Variants in SLC28A1 observed in about 807,000 individuals in gnomAD.
SLC28A1 encodes sodium/nucleoside cotransporter 1.
SLC28A1 carries 64 observed loss-of-function variants against 74.8 expected under a neutral mutation model. That is an observed-to-expected ratio of 0.86 (90% CI 0.70 to 1.05). The LOEUF is 1.05. SLC28A1 is among the 50% of genes least tolerant of loss of function. The probability of loss-of-function intolerance (pLI) is 0.00; values close to 1 mark genes in which losing one functional copy is unlikely to be tolerated. For missense variants in SLC28A1, 828 were observed against 822.8 expected, an observed-to-expected ratio of 1.01 and a Z score of -0.08; for synonymous variants, 359 against 335.0, an observed-to-expected ratio of 1.07 and a Z score of -0.78.
chr15:84,949,306 T>C (rs535101512), downstream of SLC28A1, among the ~76,000 whole-genome samples: 12 of 152,334 alleles, frequency 7.9e-5, no homozygotes, highest in Admixed American at 3.3e-4. Flanking sequence ...GGAACCAAGA[T>C]GCTGTGATGA....
chr15:84,918,544 T>C lies in SLC28A1; in HGVS notation c.816T>C (p.Phe272=), dbSNP rs1335632717. 5 of 1,614,016 alleles carry C rather than the reference T, an allele frequency of 3.1e-6. No homozygotes were observed. The highest frequency in any genetic ancestry group is 4.2e-6 in the Non-Finnish European group (5 of 1,179,908). The part of the protein sequence containing the change: ...FAFQVLPIIV[F]FSCVISVLYH... ...GGCAGGTTCTGCCCATCATTGTCTT[T>C]TTCAGCTGTGTCATATCCGTTCTCT... Residue 272 remains phenylalanine, a synonymous_variant, in exon 10 of 19, where the codon TTT becomes TTC. Transcript: ENST00000394573.
chr15:84,975,434 G>C, the SLC28A1 span: 23 of 454,916 alleles, frequency 5.1e-5, no homozygotes, highest in African/African-American at 4.6e-4. Context: ...TAATAGCAGC[G>C]ATGGTTGTTG....
rs1363869579 is a variant in SLC28A1 at position 84,891,916 on chromosome 15, G to A, written c.277+1382G>A. 3.0e-4 allele frequency among the ~76,000 whole-genome samples: 45 copies of A among 152,042 alleles called. 1 individual carries two copies. Among genetic ancestry groups the A allele is most frequent in the Admixed American group, 2.9e-3 (45 of 15,276 alleles). On this transcript the variant is annotated intron_variant, in intron 5 of 18. Transcript: ENST00000394573. ...GGGGAGTTTGTAGAAGGAATATGAA[G>A]GAATGGGAGATGAAGAGATGTCCGA...
chr15:84,966,105 T>C, the SLC28A1 span, among the ~76,000 whole-genome samples: 1 of 152,084 alleles, frequency 6.6e-6, no homozygotes, highest in African/African-American at 2.4e-5. Context: ...TGAGACAGAG[T>C]CTTGCTCTGT....
At chr15:84,946,096 A>T (rs1441738199), downstream of SLC28A1, among the ~76,000 whole-genome samples, 3 of 14,890 alleles carry the variant, frequency 2.0e-4, no homozygotes, top group African/African-American at 5.7e-4. Context: ...ATATATATAT[A>T]TATATATATA....
chr15:84,937,733 C>A (rs1972107804), intron 15 of SLC28A1, among the ~76,000 whole-genome samples: 1 of 151,624 alleles, frequency 6.6e-6, no homozygotes, highest in African/African-American at 2.4e-5. Context: ...GAAACCCCTT[C>A]TCTACTAAAA....
At chr15:84,885,906 G>A (rs1005457443) in intron 1 of SLC28A1, among the ~76,000 whole-genome samples, 2 of 152,120 alleles carry the variant, frequency 1.3e-5, no homozygotes, top group African/African-American at 4.8e-5. Flanking sequence ...AAGAAAAAAT[G>A]TTTTCAAAAA....
At chr15:84,935,726 C>CG (rs1274511209) in intron 15 of SLC28A1, among the ~76,000 whole-genome samples, 4 of 152,226 alleles carry the variant, frequency 2.6e-5, no homozygotes, top group Middle Eastern at 3.4e-3. Context: ...GGCTGAGGTG[C>CG]GGGGAGAGAG....
At chr15:84,894,063 G>A (rs1325374498) in intron 5 of SLC28A1, among the ~76,000 whole-genome samples, 1 of 152,074 alleles carries the variant, frequency 6.6e-6, no homozygotes, top group Non-Finnish European at 1.5e-5. Flanking sequence ...GAAGATCCTG[G>A]ATTCTGAAAT....
Position 84,932,281 on chromosome 15 carries a change from G to T in SLC28A1, c.1084-864G>T, listed in dbSNP as rs1467863749. On this transcript the variant is annotated intron_variant, in intron 12 of 18. Coordinates refer to ENST00000394573, the MANE Select transcript of SLC28A1 (RefSeq NM_004213.5). ...TGTCTGAGTTGGTTCTGATTTCCCT[G>T]CTTGGTAAATGACACAGTGATAGGG... 2.6e-5 allele frequency among the ~76,000 whole-genome samples: 4 copies of T among 152,204 alleles called. No homozygotes were observed. The East Asian group carries it at 7.7e-4, about 29-fold the overall frequency.
intron 15 of SLC28A1, among the ~76,000 whole-genome samples, chr15:84,942,258 C>T (rs147947989): frequency 0.017 from 2,522 of 152,220 alleles, 69 homozygotes; most frequent in African/African-American, 0.055. Context: ...TCCATCCCCT[C>T]GAGCATTTAT....
intron 11 of SLC28A1, among the ~76,000 whole-genome samples, chr15:84,923,224 C>T (rs1293672235): frequency 6.6e-6 from 1 of 152,198 alleles, no homozygotes; most frequent in African/African-American, 2.4e-5. Context: ...AGGCGTGAGC[C>T]ACTGTGCCTG....
chr15:84,940,186 C>G (rs770327713), intron 15 of SLC28A1, among the ~76,000 whole-genome samples: 3 of 152,120 alleles, frequency 2.0e-5, no homozygotes, highest in Non-Finnish European at 4.4e-5. Context: ...TCAGAGACAA[C>G]TAAAGATGAA....
rs1965228162 is a variant in SLC28A1 at position 84,890,390 on chromosome 15, C to T, written c.186-53C>T. On this transcript the variant is annotated intron_variant, in intron 4 of 18. Transcript: ENST00000394573. ...CCTGAGTGGAGGTGCTGAGGATCTC[C>T]CCCAGATGGGGTCTGCTCATGCACT... 3.0e-6 allele frequency: 4 copies of T among 1,329,908 alleles called. No homozygotes were observed. The South Asian group carries it at 4.9e-5, about 16-fold the overall frequency. 82.4% of individuals were successfully genotyped at this position (1,329,908 alleles called of 1,614,324 possible).
intron 9 of SLC28A1, among the ~76,000 whole-genome samples, chr15:84,910,165 G>A (rs1007764881): frequency 2.0e-5 from 3 of 152,200 alleles, no homozygotes; most frequent in African/African-American, 7.2e-5. Context: ...TATCTTCTCT[G>A]AAGTCTTCTT....
the SLC28A1 span, among the ~76,000 whole-genome samples, chr15:84,952,805 G>A: frequency 1.3e-5 from 2 of 152,114 alleles, no homozygotes; most frequent in Admixed American, 6.5e-5. Flanking sequence ...GCTGCAGTGA[G>A]CTGTGATCGT....
intron 5 of SLC28A1, among the ~76,000 whole-genome samples, chr15:84,890,968 G>A (rs1366488676): frequency 2.0e-5 from 3 of 152,186 alleles, no homozygotes; most frequent in Non-Finnish European, 2.9e-5. Context: ...GATAAAGTTC[G>A]ACGTCTGCAC....
intron 8 of SLC28A1, 82 bp from the exon 9 acceptor site, chr15:84,908,636 G>T (rs572163947): frequency 4.9e-6 from 6 of 1,217,676 alleles, no homozygotes; most frequent in Admixed American, 3.6e-5. Context: ...GGGCCAACCC[G>T]CCTGTCTCTG....
downstream of SLC28A1, among the ~76,000 whole-genome samples, chr15:84,946,442 T>G (rs2142076872): frequency 6.6e-6 from 1 of 152,082 alleles, no homozygotes; most frequent in Non-Finnish European, 1.5e-5. Flanking sequence ...TACAACAACT[T>G]CATGCAGTAG....
Sources: gnomAD v4.1 joint callset for allele counts (sites outside exome capture counted in the v4.1 genomes callset) on GRCh38, gnomAD v4.1.1 for gene constraint, MANE v1.5 for transcripts, NCBI Gene and HGNC (gene_info 2026-07-23, HGNC 2026-07-21) for gene names.